BRWD1: variants seen among roughly 807,000 people sequenced by gnomAD.
BRWD1 encodes the protein bromodomain and WD repeat-containing protein 1.
BRWD1 carries 82 observed loss-of-function variants against 251.2 expected under a neutral mutation model. The observed-to-expected ratio is 0.33, with a 90% CI of 0.27 to 0.39. The LOEUF is 0.39. BRWD1 is among the 10% of genes least tolerant of loss of function. The pLI is 1.00. For synonymous variants in BRWD1, 918 were observed against 902.8 expected, an observed-to-expected ratio of 1.02 and a Z score of -0.30; for missense variants, 2,233 against 2,711.6, an observed-to-expected ratio of 0.82 and a Z score of 3.92.
Position 39,213,533 on chromosome 21 carries a change from A to G in BRWD1, c.3806T>C (p.Ile1269Thr). 2.5e-6 allele frequency: 4 copies of G among 1,611,736 alleles called. No homozygotes were observed. The highest frequency in any genetic ancestry group is 2.2e-5 in the South Asian group (2 of 90,646). ...TTCAGATGTGTTAGAAAGTTCTGAGATATTTGTACAGTGTTGATTCCTAAA... is the reference window on the plus strand; with the variant it reads ...TTCAGATGTGTTAGAAAGTTCTGAGGTATTTGTACAGTGTTGATTCCTAAA... Reference protein sequence around the residue: ...KFIKNQHCTNISELSNTSEND... With the variant: ...KFIKNQHCTNTSELSNTSEND... Residue 1269 changes from isoleucine (I) to threonine (T), a missense_variant, in exon 33 of 41, where the codon ATC becomes ACC. This residue lies in a region of BRWD1 where 167 missense variants were observed against 183.2 expected (regional missense o/e 0.91). Coordinates refer to ENST00000342449, the MANE Select transcript of BRWD1 (RefSeq NM_033656.4).
At position 39,210,785 on chromosome 21, in the gene BRWD1, C is replaced by T; in HGVS notation, c.4044+1G>A. 1.2e-6 allele frequency: 2 copies of T among 1,602,628 alleles called. No homozygotes were observed. Among genetic ancestry groups the T allele is most frequent in the Non-Finnish European group, 1.7e-6 (2 of 1,176,510 alleles). ...CAAACATTTAAACAATGGAAACTTA[C>T]TGGATATTCAACCAAATCAACAGGT... On this transcript the variant is annotated splice_donor_variant, in intron 35 of 40. Transcript: ENST00000342449. LOFTEE classifies it high-confidence loss of function.
chr21:39,274,567 T>C, intron 12 of BRWD1, 95 bp from the exon 13 acceptor site: 1 of 995,128 alleles, frequency 1.0e-6, no homozygotes, highest in South Asian at 1.3e-5. Flanking sequence ...GTAATGAAGC[T>C]GTCCTAACAA....
chr21:39,290,142 C>T (rs1324633221), intron 8 of BRWD1, among the ~76,000 whole-genome samples: 1 of 152,018 alleles, frequency 6.6e-6, no homozygotes, highest in Non-Finnish European at 1.5e-5. Context: ...GGCCTCAATT[C>T]CACTTCACTA....
At chr21:39,203,438 C>CTTTTTTTTTTTTTTTTTTTTTTTTTT (rs71330353) in intron 37 of BRWD1, among the ~76,000 whole-genome samples, 2 of 67,716 alleles carry the variant, frequency 3.0e-5, no homozygotes, top group Admixed American at 2.0e-4. Context: ...GACCCTGGTT[C>CTTTTTTTTTTTTTTTTTTTTTTTTTT]TTTTTTTTTT....
At chr21:39,279,829 C>T (rs1432687357) in intron 9 of BRWD1, among the ~76,000 whole-genome samples, 6 of 152,016 alleles carry the variant, frequency 3.9e-5, no homozygotes, top group Non-Finnish European at 8.8e-5. Context: ...CACAGGTATA[C>T]AATACAGGTC....
At chr21:39,209,342 G>A (rs761589649) in intron 36 of BRWD1, among the ~76,000 whole-genome samples, 7 of 151,384 alleles carry the variant, frequency 4.6e-5, no homozygotes, top group Non-Finnish European at 1.0e-4. Flanking sequence ...ACCGGAGTCA[G>A]ATTTGAAATT....
At chr21:39,288,819 T>G (rs1043234959) in intron 8 of BRWD1, among the ~76,000 whole-genome samples, 1 of 152,178 alleles carries the variant, frequency 6.6e-6, no homozygotes, top group African/African-American at 2.4e-5. Context: ...TGTCTTCATG[T>G]TGAATAGGCT....
chr21:39,243,579 G>A (rs2034075452), intron 21 of BRWD1, among the ~76,000 whole-genome samples: 1 of 152,134 alleles, frequency 6.6e-6, no homozygotes, highest in South Asian at 2.1e-4. Context: ...CAGAGAAGCT[G>A]GGACTACAGG....
intron 8 of BRWD1, among the ~76,000 whole-genome samples, chr21:39,281,970 A>G (rs1045776367): frequency 1.3e-4 from 20 of 151,580 alleles, no homozygotes; most frequent in African/African-American, 4.6e-4. Flanking sequence ...ATGTATACAT[A>G]TAAATACATG....
chr21:39,258,458 C>T, intron 18 of BRWD1, 29 bp downstream of exon 18: 1 of 1,500,600 alleles, frequency 6.7e-7, no homozygotes, highest in Non-Finnish European at 9.0e-7. Context: ...CAGCCATATT[C>T]AGGTAAAACA....
intron 29 of BRWD1, among the ~76,000 whole-genome samples, chr21:39,221,046 T>C (rs900376822): frequency 1.3e-5 from 2 of 149,582 alleles, no homozygotes; most frequent in African/African-American, 4.9e-5. Context: ...TCCCAGCTAC[T>C]AAACAGGCTG....
intron 13 of BRWD1, 124 bp from the exon 14 acceptor site, chr21:39,270,557 G>C: frequency 1.3e-6 from 1 of 769,570 alleles, no homozygotes; most frequent in South Asian, 2.2e-5. Context: ...ACCCTACAGT[G>C]AGTTCATCAC....
intron 4 of BRWD1, among the ~76,000 whole-genome samples, chr21:39,301,294 A>T (rs1355595078): frequency 6.6e-6 from 1 of 152,188 alleles, no homozygotes; most frequent in Non-Finnish European, 1.5e-5. Context: ...CTCCTCATTT[A>T]CTTCAGAAAA....
chr21:39,264,580 G>A lies in BRWD1; in HGVS notation c.1765C>T (p.Pro589Ser), dbSNP rs572361492. ...CCATCTACATCTACCAAGAATGGTG[G>A]AGGCATAAGATGAGGAGCCTGCTGA... ...QTQQAPHLMP[P>S]PFLVDVDGNP... The change falls in exon 17 of 41, where the codon CCA (proline) becomes TCA (serine). Residue 589 changes from proline to serine, a missense_variant. By Grantham distance (74) the Pro-to-Ser change is moderately conservative. Transcript: ENST00000342449. The A allele has an allele frequency of 1.2e-6, 2 of 1,613,258 alleles. No individual in the cohort carries two copies. Among genetic ancestry groups the A allele is most frequent in the African/African-American group, 2.7e-5 (2 of 74,980 alleles).
At chr21:39,295,655 G>T (rs965004851) in intron 7 of BRWD1, 88 bp downstream of exon 7, 1 of 1,122,822 alleles carries the variant, frequency 8.9e-7, no homozygotes, top group East Asian at 2.6e-5. Flanking sequence ...CTGAGGATGG[G>T]AAACAGAAAC....
intron 32 of BRWD1, among the ~76,000 whole-genome samples, 195 bp downstream of exon 32, chr21:39,215,042 A>AT (rs1555851236): frequency 1.1e-4 from 13 of 121,554 alleles, no homozygotes; most frequent in South Asian, 3.0e-4. Context: ...TAATTTTTGT[A>AT]TTTTTTTTAG....
chr21:39,297,418 G>GGTCT (rs2035990179), intron 5 of BRWD1: 1 of 985,240 alleles, frequency 1.0e-6, no homozygotes, highest in African/African-American at 1.7e-5. Context: ...ACTCTTCTAA[G>GGTCT]GTCTGGCCAG....
chr21:39,306,091 G>C (rs1423264819), intron 4 of BRWD1, among the ~76,000 whole-genome samples: 1 of 143,176 alleles, frequency 7.0e-6, no homozygotes, highest in Admixed American at 6.9e-5. Flanking sequence ...TTTTTTTTGA[G>C]ACCGAGTCTC....
intron 25 of BRWD1, among the ~76,000 whole-genome samples, chr21:39,231,713 T>C (rs2033623532): frequency 6.6e-6 from 1 of 152,216 alleles, no homozygotes; most frequent in Non-Finnish European, 1.5e-5. Context: ...TGCCACTTGC[T>C]AAAATGTGGA....
Sources: allele counts gnomAD v4.1 joint callset (sites outside exome capture counted in the v4.1 genomes callset), GRCh38; gene constraint gnomAD v4.1.1; regional missense constraint gnomAD v4.1.1; transcripts MANE v1.5; gene names NCBI Gene and HGNC (gene_info 2026-07-23, HGNC 2026-07-21).